The following CEP112 variants were observed in gnomAD, a reference collection of about 807,000 sequenced individuals.
The protein encoded by CEP112 is centrosomal protein of 112 kDa.
In CEP112, 127 loss-of-function variants were observed where a neutral mutation model predicts 153.0. That is an observed-to-expected ratio of 0.83 (90% CI 0.72 to 0.96). CEP112 has a LOEUF of 0.96. CEP112 is among the 40% of genes least tolerant of loss of function. The pLI is 0.00. For missense variants in CEP112, 1,089 were observed against 1,101.2 expected (o/e 0.99, Z 0.16); for synonymous variants, 358 against 374.4 (o/e 0.96, Z 0.51).
At chr17:65,971,651 A>G (rs890602924) in intron 17 of CEP112, among the ~76,000 whole-genome samples, 2 of 124,694 alleles carry the variant, frequency 1.6e-5, no homozygotes, top group African/African-American at 2.6e-5. Flanking sequence ...TATTGCATGC[A>G]TGTCACATGC....
intron 4 of CEP112, among the ~76,000 whole-genome samples, chr17:66,161,007 CA>C (rs2071677234): frequency 6.6e-6 from 1 of 151,284 alleles, no homozygotes; most frequent in South Asian, 2.1e-4. Flanking sequence ...AAAAAAACAT[CA>C]AAAAGTGGGC....
At chr17:65,671,115 G>T (rs2046960128) in intron 24 of CEP112, among the ~76,000 whole-genome samples, 1 of 151,946 alleles carries the variant, frequency 6.6e-6, no homozygotes, top group Non-Finnish European at 1.5e-5. Context: ...GAGAAGGGGG[G>T]TGGGTAAAAC....
chr17:66,131,509 A>G (rs1370514534), intron 5 of CEP112, among the ~76,000 whole-genome samples: 1 of 151,298 alleles, frequency 6.6e-6, no homozygotes, highest in Non-Finnish European at 1.5e-5. Flanking sequence ...TGGGAGGCTG[A>G]GGCGGGCGGA....
At chr17:65,749,239 G>A (rs2051661189) in intron 22 of CEP112, among the ~76,000 whole-genome samples, 2 of 152,274 alleles carry the variant, frequency 1.3e-5, no homozygotes, top group Non-Finnish European at 1.5e-5. Context: ...AGGTGCGGTG[G>A]CTCATGCCTG....
chr17:65,797,244 C>G (rs1041710731), intron 21 of CEP112: 1 of 152,266 alleles, frequency 6.6e-6, no homozygotes, highest in Non-Finnish European at 1.5e-5. Flanking sequence ...CATCTGGAGT[C>G]ATACACTCAC....
chr17:65,767,263 T>TA (rs149824585), intron 21 of CEP112, among the ~76,000 whole-genome samples: 1,847 of 152,092 alleles, frequency 0.012, 31 homozygotes, highest in African/African-American at 0.042. Context: ...ATGTGGAAAT[T>TA]AAACAACTGG....
intron 16 of CEP112, among the ~76,000 whole-genome samples, chr17:66,011,343 TTC>T (rs2064519507): frequency 6.6e-6 from 1 of 152,166 alleles, no homozygotes; most frequent in Admixed American, 6.6e-5. Flanking sequence ...CTTTCTAACT[TTC>T]TGATATGAGT....
At chr17:66,098,744 T>C (rs777268380) in intron 6 of CEP112, among the ~76,000 whole-genome samples, 1 of 152,152 alleles carries the variant, frequency 6.6e-6, no homozygotes, top group Non-Finnish European at 1.5e-5. Context: ...CAAAGACACA[T>C]ACAGATTGAT....
At position 65,963,674 on chromosome 17, in the gene CEP112, GGTGT is replaced by G. The variant is rs58215209; in HGVS notation, c.1737-2080_1737-2077del. On this transcript the variant is annotated intron_variant, in intron 17 of 26. Transcript: ENST00000535342. ...CGATATAGATATAGATATAGATAGG[GGTGT>G]GTGTGTGTGTGTGTGTGTGTGTGTG... Among the ~76,000 whole-genome samples, 1,258 of 147,528 alleles carry G rather than the reference GGTGT, an allele frequency of 8.5e-3. 5 individuals are homozygous for G. The highest frequency in any genetic ancestry group is 0.011 in the Admixed American group (169 of 14,744).
chr17:65,811,289 G>C (rs2055935065), intron 21 of CEP112, among the ~76,000 whole-genome samples: 1 of 152,178 alleles, frequency 6.6e-6, no homozygotes, highest in African/African-American at 2.4e-5. Context: ...GATGGACCAT[G>C]AAATCTAAGC....
At chr17:65,718,695 T>C (rs1160778498) in intron 23 of CEP112, among the ~76,000 whole-genome samples, 1 of 152,106 alleles carries the variant, frequency 6.6e-6, no homozygotes, top group Non-Finnish European at 1.5e-5. Context: ...TTAACATGGA[T>C]GAAAGAAAAA....
At chr17:66,028,212 C>A (rs2065303825) in intron 15 of CEP112, 101 bp downstream of exon 15, 3 of 672,576 alleles carry the variant, frequency 4.5e-6, no homozygotes, top group South Asian at 2.1e-5. Context: ...AGATGACCTG[C>A]ATTTCTGAGT....
Position 65,927,565 on chromosome 17 carries a change from CA to C in CEP112, c.1980+16del. 7.0e-7 allele frequency: 1 copy of C among 1,434,108 alleles called. No homozygotes were observed. 88.8% of individuals were successfully genotyped at this position (1,434,108 alleles called of 1,614,324 possible). On this transcript the variant is annotated intron_variant, in intron 19 of 26. Coordinates refer to ENST00000535342, the MANE Select transcript of CEP112 (RefSeq NM_001199165.4). ...TATTTTAAAAATTTAATGGCAGCATCAAAATGAAAGACCAACCTGTTGTTCA... is the reference window on the plus strand; with the variant it reads ...TATTTTAAAAATTTAATGGCAGCATCAAATGAAAGACCAACCTGTTGTTCA...
At chr17:66,141,811 CCTGA>C (rs1447577805) in intron 4 of CEP112, among the ~76,000 whole-genome samples, 1 of 152,146 alleles carries the variant, frequency 6.6e-6, no homozygotes, top group African/African-American at 2.4e-5. Context: ...GTTTCCACAT[CCTGA>C]CTATTGTGAA....
chr17:65,970,274 T>C (rs1320628775), intron 17 of CEP112, among the ~76,000 whole-genome samples: 1 of 151,790 alleles, frequency 6.6e-6, no homozygotes, highest in Admixed American at 6.6e-5. Context: ...ATTACATGCA[T>C]GTATGTAGCA....
chr17:65,860,519 A>G (rs2058279453), intron 20 of CEP112, among the ~76,000 whole-genome samples: 1 of 152,222 alleles, frequency 6.6e-6, no homozygotes, highest in African/African-American at 2.4e-5. Context: ...TGTTATCATA[A>G]TCAACACAGT....
intron 23 of CEP112, among the ~76,000 whole-genome samples, chr17:65,725,193 G>C (rs1353066880): frequency 1.3e-5 from 2 of 152,176 alleles, no homozygotes; most frequent in Non-Finnish European, 2.9e-5. Context: ...ATTTTGTGGG[G>C]GTGGGGATAT....
intron 20 of CEP112, among the ~76,000 whole-genome samples, chr17:65,866,044 A>G (rs2058473012): frequency 6.6e-6 from 1 of 151,746 alleles, no homozygotes; most frequent in South Asian, 2.1e-4. Flanking sequence ...AGGGGTCTAG[A>G]AGCAGGCAGG....
At chr17:65,744,065 CCTAT>C (rs1398691129) in intron 22 of CEP112, among the ~76,000 whole-genome samples, 1 of 151,166 alleles carries the variant, frequency 6.6e-6, no homozygotes, top group Non-Finnish European at 1.5e-5. Context: ...GCCCGGCCTG[CCTAT>C]CTTTTATAAA....
Sources: gnomAD v4.1 joint callset for allele counts (sites outside exome capture counted in the v4.1 genomes callset) on GRCh38, gnomAD v4.1.1 for gene constraint, MANE v1.5 for transcripts, NCBI Gene and HGNC (gene_info 2026-07-23, HGNC 2026-07-21) for gene names.